RXRA: variants seen among roughly 807,000 people sequenced by gnomAD.
RXRA encodes retinoic acid receptor RXR-alpha.
Under a neutral mutation model 44.5 loss-of-function variants are expected in RXRA, and 5 were observed. That is an observed-to-expected ratio of 0.11 (90% CI 0.06 to 0.24). RXRA has a LOEUF of 0.24. Among genes scored for constraint, RXRA ranks in the 10% least tolerant of loss-of-function variants. The pLI is 1.00. For missense variants in RXRA, 412 were observed against 646.5 expected (o/e 0.64, Z 3.93); for synonymous variants, 291 against 271.4 (o/e 1.07, Z -0.71).
At chr9:134,380,357 TG>T (rs1281259965) in intron 1 of RXRA, among the ~76,000 whole-genome samples, 50 of 151,986 alleles carry the variant, frequency 3.3e-4, no homozygotes, top group Admixed American at 1.7e-3. Flanking sequence ...CTGGAGAACC[TG>T]GGTCAGGAGC....
intron 1 of RXRA, among the ~76,000 whole-genome samples, chr9:134,377,313 G>A (rs1830570520): frequency 6.6e-6 from 1 of 152,232 alleles, no homozygotes; most frequent in African/African-American, 2.4e-5. Context: ...GTCCCACATG[G>A]AAGGCGATGG....
In RXRA at chr9:134,408,973, G is replaced by A; in HGVS notation, c.464G>A (p.Cys155Tyr). 6.2e-7 allele frequency: 1 copy of A among 1,605,430 alleles called. No individual in the cohort carries two copies. The highest frequency in any genetic ancestry group is 1.1e-5 in the South Asian group (1 of 90,102). ...TATGGAGTGTACAGCTGCGAGGGGT[G>A]CAAGGGCTTCTTCAAGCGGACGGTG... ...KHYGVYSCEG[C>Y]KGFFKRTVRK... is the part of the protein sequence containing the mutation. Residue 155 changes from cysteine (C) to tyrosine (Y), a missense_variant, in exon 4 of 10, where the codon TGC (cysteine) becomes TAC (tyrosine). By Grantham distance (194) the Cys-to-Tyr change is radical (BLOSUM62 -2). Coordinates refer to ENST00000481739, the MANE Select transcript of RXRA (RefSeq NM_002957.6).
intron 2 of RXRA, 140 bp from the exon 3 acceptor site, chr9:134,408,009 G>T (rs919807354): frequency 2.7e-5 from 16 of 597,914 alleles, no homozygotes; most frequent in Non-Finnish European, 4.5e-5. Context: ...CGTGGCGGGT[G>T]GGGGGCACGG....
intron 7 of RXRA, 113 bp downstream of exon 7, chr9:134,429,353 A>G (rs1329719786): frequency 8.9e-7 from 1 of 1,124,338 alleles, no homozygotes; most frequent in East Asian, 2.5e-5. Context: ...ATTTCAGTGC[A>G]TGAAGGGTGC....
intron 4 of RXRA, among the ~76,000 whole-genome samples, chr9:134,416,826 G>C (rs1413691119): frequency 6.6e-6 from 1 of 152,156 alleles, no homozygotes; most frequent in Non-Finnish European, 1.5e-5. Flanking sequence ...TTCCAGGAAG[G>C]CTTCCTGGTT....
intron 3 of RXRA, 24 bp from the exon 4 acceptor site, chr9:134,408,916 G>C: frequency 1.4e-6 from 2 of 1,475,314 alleles, no homozygotes; most frequent in Non-Finnish European, 1.8e-6. Context: ...GTGCTCCCCA[G>C]CCCTGCTCTG....
intron 7 of RXRA, among the ~76,000 whole-genome samples, chr9:134,430,179 C>T (rs1403959359): frequency 6.6e-6 from 1 of 152,252 alleles, no homozygotes; most frequent in East Asian, 1.9e-4. Flanking sequence ...AGCCGCCGCG[C>T]CCGGCCTCTC....
intron 1 of RXRA, among the ~76,000 whole-genome samples, chr9:134,341,146 C>T (rs546462439): frequency 3.3e-5 from 5 of 152,140 alleles, no homozygotes; most frequent in African/African-American, 9.7e-5. Context: ...CAGGCCCCGC[C>T]GTGGGTGGTG....
intron 6 of RXRA, chr9:134,425,040 A>G (rs1042766415): frequency 5.0e-5 from 49 of 985,278 alleles, no homozygotes; most frequent in Non-Finnish European, 5.7e-5. Context: ...CAGACCTGCA[A>G]TTCCCACCAT....
intron 8 of RXRA, among the ~76,000 whole-genome samples, chr9:134,432,425 C>T (rs1238581248): frequency 6.6e-6 from 1 of 152,228 alleles, no homozygotes; most frequent in Non-Finnish European, 1.5e-5. Flanking sequence ...ACCTCATCCC[C>T]AAGCCTCGGG....
chr9:134,375,314 CTGGCCTGGT>C (rs1830542459), intron 1 of RXRA, among the ~76,000 whole-genome samples: 1 of 152,144 alleles, frequency 6.6e-6, no homozygotes, highest in Non-Finnish European at 1.5e-5. Flanking sequence ...TGCTGTCTTC[CTGGCCTGGT>C]TCCGATGGCT....
At chr9:134,408,591 C>T (rs1277000723) in intron 3 of RXRA, among the ~76,000 whole-genome samples, 4 of 152,244 alleles carry the variant, frequency 2.6e-5, no homozygotes, top group Admixed American at 6.5e-5. Context: ...GCCAGTGCTG[C>T]GCCTCCTCCC....
intron 1 of RXRA, among the ~76,000 whole-genome samples, chr9:134,374,756 C>T (rs1468769741): frequency 1.3e-5 from 2 of 152,254 alleles, no homozygotes; most frequent in Admixed American, 6.5e-5. Flanking sequence ...GAGATAGAGG[C>T]TCAGCGAGAT....
intron 1 of RXRA, among the ~76,000 whole-genome samples, chr9:134,335,107 G>A (rs2119015482): frequency 6.6e-6 from 1 of 152,258 alleles, no homozygotes; most frequent in East Asian, 1.9e-4. Flanking sequence ...CAGGATGGAG[G>A]CCAGGCCTCC....
At chr9:134,371,326 G>T (rs1830488922) in intron 1 of RXRA, among the ~76,000 whole-genome samples, 1 of 152,192 alleles carries the variant, frequency 6.6e-6, no homozygotes, top group South Asian at 2.1e-4. Flanking sequence ...GTCGTCTAGA[G>T]CCAGGGTGCT....
At chr9:134,347,978 AG>A (rs1830174856) in intron 1 of RXRA, among the ~76,000 whole-genome samples, 1 of 151,924 alleles carries the variant, frequency 6.6e-6, no homozygotes, top group Non-Finnish European at 1.5e-5. Context: ...GCCACTTAGG[AG>A]GCAGAAGCAG....
Position 134,366,550 on chromosome 9 carries a change from CGGGTGCTGGCCTGGGGACAGCACCACA to C in RXRA, c.29-35078_29-35052del, listed in dbSNP as rs1378124281. On this transcript the variant is annotated intron_variant, in intron 1 of 9. Transcript: ENST00000481739. The surrounding 1 kb of genome is among the most constrained non-coding windows in gnomAD (Gnocchi z 5.9). Reference sequence around the variant, plus strand: ...CCGTGCCATGGGCCTCCAGGTCCCCCGGGTGCTGGCCTGGGGACAGCACCACAGGGCCCAGCCAGGGCTGGGGCAGGG... The same window carrying C: ...CCGTGCCATGGGCCTCCAGGTCCCCCGGGCCCAGCCAGGGCTGGGGCAGGG... 6.6e-6 allele frequency among the ~76,000 whole-genome samples: 1 copy of C among 152,132 alleles called. No homozygotes were observed. Among genetic ancestry groups the C allele is most frequent in the Non-Finnish European group, 1.5e-5 (1 of 68,008 alleles).
chr9:134,395,324 C>G (rs1220228192), intron 1 of RXRA, among the ~76,000 whole-genome samples: 3 of 152,256 alleles, frequency 2.0e-5, no homozygotes, highest in African/African-American at 7.2e-5. Flanking sequence ...TCCTTCTCAC[C>G]CTTTCCCTCC....
intron 1 of RXRA, among the ~76,000 whole-genome samples, chr9:134,344,799 G>A (rs1319509950): frequency 1.3e-5 from 2 of 152,192 alleles, no homozygotes; most frequent in Admixed American, 6.5e-5. Context: ...GCTGCCTTCC[G>A]TAGGAGACTT....
Sources: gnomAD v4.1 joint callset for allele counts (sites outside exome capture counted in the v4.1 genomes callset) on GRCh38, gnomAD v4.1.1 for gene constraint, Gnocchi (gnomAD v3.1) non-coding constraint, MANE v1.5 for transcripts, NCBI Gene and HGNC (gene_info 2026-07-23, HGNC 2026-07-21) for gene names.